PCDH7: variants seen among roughly 807,000 people sequenced by gnomAD.
PCDH7 encodes protocadherin-7.
A neutral mutation model predicts 58.9 loss-of-function variants in PCDH7; 17 were observed. That is an observed-to-expected ratio of 0.29 (90% CI 0.20 to 0.43). The LOEUF is 0.43. PCDH7 is among the 20% of genes least tolerant of loss of function. The probability of loss-of-function intolerance (pLI) is 1.00; values close to 1 mark genes in which losing one functional copy is unlikely to be tolerated. For missense variants in PCDH7, 1,274 were observed against 1,441.0 expected (o/e 0.88, Z 1.88); for synonymous variants, 664 against 616.4 (o/e 1.08, Z -1.14).
At chr4:31,017,835 T>C (rs1194136689) in intron 3 of PCDH7, among the ~76,000 whole-genome samples, 1 of 152,192 alleles carries the variant, frequency 6.6e-6, no homozygotes, top group Non-Finnish European at 1.5e-5. Flanking sequence ...GATCAATAGA[T>C]AAGAGGCTTG....
At chr4:30,768,797 T>C (rs1466808514) in intron 1 of PCDH7, among the ~76,000 whole-genome samples, 2 of 152,204 alleles carry the variant, frequency 1.3e-5, no homozygotes, top group Non-Finnish European at 1.5e-5. Flanking sequence ...CTTAGAATTG[T>C]GTTCAGCTAC....
chr4:30,863,364 T>C (rs1021175104), intron 1 of PCDH7, among the ~76,000 whole-genome samples: 25 of 152,090 alleles, frequency 1.6e-4, no homozygotes, highest in African/African-American at 5.8e-4. Context: ...TGTCTGGAGA[T>C]GTTTTTGGTT....
intron 1 of PCDH7, among the ~76,000 whole-genome samples, chr4:30,775,681 G>A (rs1246093091): frequency 1.3e-5 from 2 of 152,146 alleles, no homozygotes; most frequent in African/African-American, 2.4e-5. Context: ...GCCAAGGCGG[G>A]AGGATCACGA....
At chr4:30,821,079 G>A (rs976960530) in intron 1 of PCDH7, among the ~76,000 whole-genome samples, 1 of 152,138 alleles carries the variant, frequency 6.6e-6, no homozygotes, top group Non-Finnish European at 1.5e-5. Flanking sequence ...TTGTCACAAT[G>A]ACTGCGTGAG....
At chr4:30,957,682 A>C (rs1747999646) in intron 3 of PCDH7, among the ~76,000 whole-genome samples, 1 of 152,136 alleles carries the variant, frequency 6.6e-6, no homozygotes, top group African/African-American at 2.4e-5. Context: ...TTATATCTGA[A>C]CTAGTTCTCA....
intron 1 of PCDH7, among the ~76,000 whole-genome samples, chr4:30,762,312 T>A (rs1720131423): frequency 6.6e-6 from 1 of 152,140 alleles, no homozygotes; most frequent in Admixed American, 6.5e-5. Context: ...TAAAAGATCA[T>A]TTAAGGATGA....
At chr4:31,023,055 G>A (rs1284672529) in intron 3 of PCDH7, among the ~76,000 whole-genome samples, 3 of 152,134 alleles carry the variant, frequency 2.0e-5, no homozygotes, top group South Asian at 2.1e-4. Context: ...GAGCGAAACC[G>A]GCAAATGTTT....
At chr4:31,031,250 G>A (rs559125126) in intron 3 of PCDH7, among the ~76,000 whole-genome samples, 20 of 152,254 alleles carry the variant, frequency 1.3e-4, no homozygotes, top group Non-Finnish European at 2.8e-4. Flanking sequence ...GGCAATGTCT[G>A]GAGACATTTT....
intron 1 of PCDH7, among the ~76,000 whole-genome samples, chr4:30,838,226 G>A (rs2109336207): frequency 6.6e-6 from 1 of 152,138 alleles, no homozygotes; most frequent in East Asian, 1.9e-4. Context: ...TGAATGGCAG[G>A]CAAAATGAAA....
intron 1 of PCDH7, among the ~76,000 whole-genome samples, chr4:30,870,339 T>C (rs1490496416): frequency 6.6e-6 from 1 of 152,148 alleles, no homozygotes; most frequent in Non-Finnish European, 1.5e-5. Flanking sequence ...TTTTGGTGTT[T>C]TTGTCATGAA....
chr4:30,837,741 C>A (rs905130353), intron 1 of PCDH7, among the ~76,000 whole-genome samples: 1 of 151,638 alleles, frequency 6.6e-6, no homozygotes, highest in Non-Finnish European at 1.5e-5. Flanking sequence ...GACTTGCCAG[C>A]TGGAAACCTT....
At chr4:30,897,473 T>C (rs1739600841) in intron 1 of PCDH7, among the ~76,000 whole-genome samples, 1 of 152,194 alleles carries the variant, frequency 6.6e-6, no homozygotes. Context: ...ATAAAATATT[T>C]CTTAAGCTAC....
chr4:30,730,452 T>G (rs1248421481), intron 1 of PCDH7, among the ~76,000 whole-genome samples: 4 of 152,148 alleles, frequency 2.6e-5, no homozygotes, highest in Non-Finnish European at 5.9e-5. Context: ...TCACTTCTGG[T>G]GAATTAATGT....
At chr4:30,740,211 T>C (rs1253371066) in intron 1 of PCDH7, among the ~76,000 whole-genome samples, 1 of 152,204 alleles carries the variant, frequency 6.6e-6, no homozygotes, top group Non-Finnish European at 1.5e-5. Context: ...ACATCTATTT[T>C]ACAGCCAACT....
At chr4:30,806,394 T>C (rs1306521686) in intron 1 of PCDH7, among the ~76,000 whole-genome samples, 3 of 151,994 alleles carry the variant, frequency 2.0e-5, no homozygotes, top group African/African-American at 7.2e-5. Flanking sequence ...AACCTCTGCC[T>C]CCTGGGTTCA....
intron 3 of PCDH7, among the ~76,000 whole-genome samples, chr4:31,028,688 A>T (rs1478912098): frequency 6.6e-6 from 1 of 151,852 alleles, no homozygotes; most frequent in Non-Finnish European, 1.5e-5. Context: ...AAACTTTAGG[A>T]TTAATATTAA....
At chr4:30,833,189 TTGAG>T (rs1169445587) in intron 1 of PCDH7, among the ~76,000 whole-genome samples, 2 of 152,144 alleles carry the variant, frequency 1.3e-5, no homozygotes, top group African/African-American at 4.8e-5. Context: ...TTCTAACAAA[TTGAG>T]TGTCTTAAAA....
At chr4:30,852,142 A>G (rs1427275325) in intron 1 of PCDH7, among the ~76,000 whole-genome samples, 1 of 152,094 alleles carries the variant, frequency 6.6e-6, no homozygotes, top group Non-Finnish European at 1.5e-5. Context: ...ATTTCTATTT[A>G]TGTCTAGCAA....
chr4:31,099,118 G>T (rs1041642188), intron 3 of PCDH7, among the ~76,000 whole-genome samples: 1 of 152,162 alleles, frequency 6.6e-6, no homozygotes, highest in South Asian at 2.1e-4. Context: ...ACACAATTCA[G>T]CTTATAACAC....
Sources: allele counts gnomAD v4.1 joint callset (sites outside exome capture counted in the v4.1 genomes callset), GRCh38; gene constraint gnomAD v4.1.1; transcripts MANE v1.5; gene names NCBI Gene and HGNC (gene_info 2026-07-23, HGNC 2026-07-21).